The following MGRN1 variants were observed in gnomAD, a reference collection of about 807,000 sequenced individuals.
The protein encoded by MGRN1 is E3 ubiquitin-protein ligase MGRN1.
Under a neutral mutation model 69.2 loss-of-function variants are expected in MGRN1, and 29 were observed. That is an observed-to-expected ratio of 0.42 (90% CI 0.31 to 0.57). MGRN1 has a LOEUF of 0.57. Among genes scored for constraint, MGRN1 ranks in the 20% least tolerant of loss-of-function variants. The probability of loss-of-function intolerance (pLI) is 0.15; values close to 1 mark genes in which losing one functional copy is unlikely to be tolerated. For missense variants in MGRN1, 998 were observed against 796.2 expected, an observed-to-expected ratio of 1.25 and a Z score of -3.05; for synonymous variants, 470 against 344.2, an observed-to-expected ratio of 1.37 and a Z score of -4.04.
chr16:4,649,335 C>T (rs1392778290), intron 1 of MGRN1: 1 of 152,238 alleles, frequency 6.6e-6, no homozygotes, highest in Non-Finnish European at 1.5e-5. Context: ...CTAACCGTGG[C>T]TTGAAACAGC....
chr16:4,668,679 G>T (rs965627502), intron 8 of MGRN1, among the ~76,000 whole-genome samples: 2 of 151,054 alleles, frequency 1.3e-5, no homozygotes, highest in Non-Finnish European at 2.9e-5. Flanking sequence ...CATATACATA[G>T]ACACACTCGT....
chr16:4,686,425 T>A, intron 16 of MGRN1: 2 of 1,433,300 alleles, frequency 1.4e-6, no homozygotes, highest in Non-Finnish European at 1.8e-6. Flanking sequence ...ATCCGCATCT[T>A]CCCAGGGGCC....
intron 1 of MGRN1, among the ~76,000 whole-genome samples, chr16:4,630,741 G>A (rs1437355058): frequency 4.6e-5 from 7 of 151,878 alleles, no homozygotes; most frequent in East Asian, 1.9e-4. Context: ...CGCTGTGCCC[G>A]GCCTTTTCTA....
At chr16:4,645,407 G>A (rs76298097) in intron 1 of MGRN1, among the ~76,000 whole-genome samples, 5,147 of 152,180 alleles carry the variant, frequency 0.034, 293 homozygotes, top group African/African-American at 0.12. Flanking sequence ...GGGCTCGAGC[G>A]ATCCTCCTGC....
chr16:4,673,674 G>T lies in MGRN1; in HGVS notation c.955+17G>T, dbSNP rs756315443. 10 of 1,610,858 alleles carry T rather than the reference G, an allele frequency of 6.2e-6. No individual in the cohort carries two copies. In the South Asian group the frequency reaches 9.9e-5, roughly 16 times the overall value. On this transcript the variant is annotated intron_variant, in intron 10 of 16. Coordinates refer to ENST00000262370, the MANE Select transcript of MGRN1 (RefSeq NM_015246.4). ...GCCGGCTGCGTGAGTTCCCCGGCCGGCTGTTCTGTGGAAGGTTCTGGAAAT... is the reference window on the plus strand; with the variant it reads ...GCCGGCTGCGTGAGTTCCCCGGCCGTCTGTTCTGTGGAAGGTTCTGGAAAT...
At chr16:4,687,147 G>A in intron 16 of MGRN1, 1 of 985,382 alleles carries the variant, frequency 1.0e-6, no homozygotes. Context: ...TCCCAGTACT[G>A]GAACCTTCTG....
intron 1 of MGRN1, among the ~76,000 whole-genome samples, chr16:4,628,653 T>A (rs924565165): frequency 6.6e-6 from 1 of 152,090 alleles, no homozygotes; most frequent in African/African-American, 2.4e-5. Context: ...CAAGCAATTC[T>A]CCTGTTTCAG....
chr16:4,659,913 G>A (rs768052309), intron 5 of MGRN1, among the ~76,000 whole-genome samples: 5 of 152,250 alleles, frequency 3.3e-5, no homozygotes, highest in African/African-American at 7.2e-5. Context: ...GCTCCAGCGC[G>A]TGGCCATCCG....
chr16:4,671,152 G>C (rs190989406), intron 8 of MGRN1, among the ~76,000 whole-genome samples: 25 of 152,140 alleles, frequency 1.6e-4, no homozygotes, highest in African/African-American at 6.0e-4. Context: ...CTGTGGGTTG[G>C]CTTCAGGCCC....
chr16:4,671,276 C>A, intron 8 of MGRN1, 115 bp from the exon 9 acceptor site: 1 of 986,986 alleles, frequency 1.0e-6, no homozygotes, highest in Non-Finnish European at 1.6e-6. Context: ...TTGAGCTGGA[C>A]TGACCCCTGG....
intron 16 of MGRN1, chr16:4,686,689 G>A (rs2079327266): frequency 9.6e-7 from 1 of 1,041,042 alleles, no homozygotes; most frequent in South Asian, 4.1e-5. Flanking sequence ...CACCGTGGAG[G>A]GAACCCCAGG....
chr16:4,668,591 CAT>C (rs767753765), intron 8 of MGRN1, among the ~76,000 whole-genome samples: 1 of 151,172 alleles, frequency 6.6e-6, no homozygotes, highest in Non-Finnish European at 1.5e-5. Context: ...ACACGACACT[CAT>C]ACACACATAC....
At chr16:4,644,386 C>T (rs192932814) in intron 1 of MGRN1, among the ~76,000 whole-genome samples, 18 of 150,548 alleles carry the variant, frequency 1.2e-4, no homozygotes, top group Admixed American at 2.0e-4. Context: ...TCTCAGCTCA[C>T]GGCAACCTCT....
intron 1 of MGRN1, among the ~76,000 whole-genome samples, 169 bp downstream of exon 1, chr16:4,625,217 G>A (rs1362256102): frequency 1.3e-5 from 2 of 152,212 alleles, no homozygotes; most frequent in East Asian, 3.9e-4. Flanking sequence ...GGCGTGGCTG[G>A]GGGCCCCGGA....
At chr16:4,648,857 C>T (rs1269745516) in intron 1 of MGRN1, among the ~76,000 whole-genome samples, 1 of 136,980 alleles carries the variant, frequency 7.3e-6, no homozygotes, top group Non-Finnish European at 1.6e-5. Context: ...TTCCCGTGGT[C>T]ACCCGGCTCC....
At chr16:4,674,960 A>C (rs942504124) in intron 10 of MGRN1, among the ~76,000 whole-genome samples, 6 of 150,138 alleles carry the variant, frequency 4.0e-5, no homozygotes, top group Admixed American at 6.7e-5. Flanking sequence ...TTTTTAATTA[A>C]TTACTTACTT....
chr16:4,627,924 CAAAAA>C (rs549180320), intron 1 of MGRN1, among the ~76,000 whole-genome samples: 1 of 148,926 alleles, frequency 6.7e-6, no homozygotes, highest in African/African-American at 2.5e-5. Context: ...ACCAAAAATA[CAAAAA>C]ATTAGCTGGG....
chr16:4,641,102 C>T (rs1205788883), intron 1 of MGRN1, among the ~76,000 whole-genome samples: 1 of 152,198 alleles, frequency 6.6e-6, no homozygotes, highest in East Asian at 1.9e-4. Context: ...TTTTCTTTTT[C>T]CTCCACCCCC....
At chr16:4,643,604 C>T (rs1596270430) in intron 1 of MGRN1, among the ~76,000 whole-genome samples, 1 of 151,546 alleles carries the variant, frequency 6.6e-6, no homozygotes, top group Non-Finnish European at 1.5e-5. Context: ...CATCTCCTGA[C>T]CTCGTGATCC....
Sources: gnomAD v4.1 joint callset for allele counts (sites outside exome capture counted in the v4.1 genomes callset) on GRCh38, gnomAD v4.1.1 for gene constraint, MANE v1.5 for transcripts, NCBI Gene and HGNC (gene_info 2026-07-23, HGNC 2026-07-21) for gene names.